The following DLGAP2 variants were observed in gnomAD, a reference collection of about 807,000 sequenced individuals.
The protein encoded by DLGAP2 is disks large-associated protein 2.
A neutral mutation model predicts 100.3 loss-of-function variants in DLGAP2; 26 were observed. The ratio of observed to expected loss-of-function variants is 0.26; its 90% CI spans 0.19 to 0.36. The LOEUF (loss-of-function observed/expected upper bound fraction) is 0.36, where lower values mean the gene tolerates loss of function less well. DLGAP2 is among the 10% of genes least tolerant of loss of function. The pLI is 1.00. For missense variants in DLGAP2, 1,858 were observed against 1,453.2 expected (o/e 1.28, Z -4.53); for synonymous variants, 886 against 630.1 (o/e 1.41, Z -6.08).
At chr8:1,631,495 G>A (rs562553533) in intron 7 of DLGAP2, among the ~76,000 whole-genome samples, 3 of 152,332 alleles carry the variant, frequency 2.0e-5, no homozygotes, top group South Asian at 2.1e-4. Flanking sequence ...TTCCAAGCCA[G>A]TGTGCATGCT....
intron 2 of DLGAP2, among the ~76,000 whole-genome samples, chr8:932,391 A>G (rs1182392955): frequency 6.6e-6 from 1 of 152,256 alleles, no homozygotes; most frequent in South Asian, 2.1e-4. Flanking sequence ...CTCACTAGAG[A>G]TGAGAAAGAC....
At chr8:801,712 C>T (rs1342263206) in intron 1 of DLGAP2, among the ~76,000 whole-genome samples, 1 of 152,122 alleles carries the variant, frequency 6.6e-6, no homozygotes, top group Non-Finnish European at 1.5e-5. Flanking sequence ...TGTGCCTTCC[C>T]ACTCTCCAGC....
chr8:1,107,509 AG>A (rs1804815519), intron 2 of DLGAP2, among the ~76,000 whole-genome samples: 2 of 152,220 alleles, frequency 1.3e-5, no homozygotes, highest in Non-Finnish European at 2.9e-5. Context: ...AGCTCTTCAC[AG>A]GGAGAGCCAG....
chr8:1,625,938 T>A (rs1410794489), intron 6 of DLGAP2, among the ~76,000 whole-genome samples: 1 of 152,210 alleles, frequency 6.6e-6, no homozygotes, highest in Non-Finnish European at 1.5e-5. Flanking sequence ...TGGGTGTGGA[T>A]TGGACGGTCG....
chr8:1,388,727 G>T (rs1170166031), intron 3 of DLGAP2, among the ~76,000 whole-genome samples: 1 of 101,674 alleles, frequency 9.8e-6, no homozygotes. Flanking sequence ...ATGAGGAGGC[G>T]CTGGTTCAGG....
intron 3 of DLGAP2, among the ~76,000 whole-genome samples, chr8:1,413,584 C>A (rs1031227995): frequency 6.6e-6 from 1 of 152,138 alleles, no homozygotes; most frequent in Non-Finnish European, 1.5e-5. Flanking sequence ...GCCTTAAAGT[C>A]CAGAAACATG....
chr8:1,095,027 A>G (rs527649866), intron 2 of DLGAP2, among the ~76,000 whole-genome samples: 1 of 151,852 alleles, frequency 6.6e-6, no homozygotes, highest in East Asian at 2.0e-4. Flanking sequence ...AAGGTGGAGC[A>G]AGACAGCCTG....
rs1330889707 is a variant in DLGAP2 at position 1,485,653 on chromosome 8, G to A, written c.107-15713G>A. ...CCCAGCTCCCACTGTGGGAAGACAGGTGTGGTCTGAAGCGCTGCCCCTACT... is the reference window on the plus strand; with the variant it reads ...CCCAGCTCCCACTGTGGGAAGACAGATGTGGTCTGAAGCGCTGCCCCTACT... On this transcript the variant is annotated intron_variant, in intron 3 of 14. Transcript: ENST00000637795. 2.6e-5 allele frequency among the ~76,000 whole-genome samples: 4 copies of A among 152,358 alleles called. No individual in the cohort carries two copies. The East Asian group carries it at 5.8e-4, about 22-fold the overall frequency.
intron 5 of DLGAP2, among the ~76,000 whole-genome samples, chr8:1,550,997 G>T (rs768446787): frequency 6.6e-6 from 1 of 152,228 alleles, no homozygotes; most frequent in Non-Finnish European, 1.5e-5. Flanking sequence ...ATGGGACAGG[G>T]GGACTAGCAG....
In DLGAP2 at chr8:1,704,255, T is replaced by C. The variant is rs1799646825; in HGVS notation, c.*2849T>C. ...CATTGGAGAACACGGCTGAAAATTATTGTGCTGTTCTAGGAACATCATCCT... is the reference window on the plus strand; with the variant it reads ...CATTGGAGAACACGGCTGAAAATTACTGTGCTGTTCTAGGAACATCATCCT... On this transcript the variant is annotated 3_prime_UTR_variant, in exon 15 of 15. Coordinates refer to ENST00000637795, the MANE Select transcript of DLGAP2 (RefSeq NM_001346810.2). 6.6e-6 allele frequency: 1 copy of C among 152,266 alleles called. No individual in the cohort carries two copies. The highest frequency in any genetic ancestry group is 2.4e-5 in the African/African-American group (1 of 41,448). 9.4% of individuals were successfully genotyped at this position (152,266 alleles called of 1,614,324 possible).
chr8:1,328,642 C>T (rs1801078342), intron 3 of DLGAP2, among the ~76,000 whole-genome samples: 2 of 152,260 alleles, frequency 1.3e-5, no homozygotes, highest in African/African-American at 2.4e-5. Flanking sequence ...GAAGCCACTG[C>T]ACCTGGCCTT....
chr8:1,318,169 A>G (rs1409200284), intron 3 of DLGAP2, among the ~76,000 whole-genome samples: 1 of 151,500 alleles, frequency 6.6e-6, no homozygotes, highest in Non-Finnish European at 1.5e-5. Context: ...GTGTGAGTGC[A>G]GCGTCTCTCC....
At chr8:1,060,695 C>G (rs151271118) in intron 2 of DLGAP2, among the ~76,000 whole-genome samples, 1 of 152,236 alleles carries the variant, frequency 6.6e-6, no homozygotes, top group African/African-American at 2.4e-5. Flanking sequence ...CATCCCGTAA[C>G]TCCTGGTGAT....
intron 2 of DLGAP2, among the ~76,000 whole-genome samples, chr8:1,156,188 C>G (rs1039511838): frequency 1.3e-5 from 2 of 152,188 alleles, no homozygotes; most frequent in African/African-American, 4.8e-5. Flanking sequence ...CTGCAGCTCT[C>G]AGACCCTCCC....
At chr8:1,291,135 G>T (rs955051385) in intron 3 of DLGAP2, among the ~76,000 whole-genome samples, 1 of 152,128 alleles carries the variant, frequency 6.6e-6, no homozygotes, top group Non-Finnish European at 1.5e-5. Flanking sequence ...CTAGGTAACA[G>T]TCATCACGAT....
At chr8:999,214 G>A (rs943828030) in intron 2 of DLGAP2, among the ~76,000 whole-genome samples, 6 of 151,668 alleles carry the variant, frequency 4.0e-5, no homozygotes, top group African/African-American at 9.7e-5. Context: ...TTCTCCTCCC[G>A]TGTCGGTGGA....
chr8:1,267,627 T>TAAAATAAAATAAAATAAAATAAAATAAA (rs61003863), intron 3 of DLGAP2, among the ~76,000 whole-genome samples: 1 of 39,424 alleles, frequency 2.5e-5, no homozygotes, highest in African/African-American at 1.8e-4. Flanking sequence ...ATAAGATAAA[T>TAAAATAAAATAAAATAAAATAAAATAAA]ATTAAATAGG....
At position 1,652,536 on chromosome 8, in the gene DLGAP2, G is replaced by A. The variant is rs138374109; in HGVS notation, c.1811-15793G>A. Among the ~76,000 whole-genome samples the A allele has an allele frequency of 6.6e-5, 10 of 152,292 alleles. No homozygotes were observed. In the East Asian group the frequency reaches 7.7e-4, roughly 12 times the overall value. On this transcript the variant is annotated intron_variant, in intron 8 of 14. Coordinates refer to ENST00000637795, the MANE Select transcript of DLGAP2 (RefSeq NM_001346810.2). Reference sequence around the variant, plus strand: ...CTTGCAACTAACCCTGGTCTTGTGCGTGATATTTCTGAGTTTCCAGGAGAG... The same window carrying A: ...CTTGCAACTAACCCTGGTCTTGTGCATGATATTTCTGAGTTTCCAGGAGAG...
intron 1 of DLGAP2, among the ~76,000 whole-genome samples, chr8:856,445 C>G (rs1028476942): frequency 3.9e-5 from 6 of 152,060 alleles, no homozygotes; most frequent in African/African-American, 1.4e-4. Context: ...ACCTCGGCCT[C>G]CCATAGTGCT....
Sources: gnomAD v4.1 joint callset for allele counts (sites outside exome capture counted in the v4.1 genomes callset) on GRCh38, gnomAD v4.1.1 for gene constraint, MANE v1.5 for transcripts, NCBI Gene and HGNC (gene_info 2026-07-23, HGNC 2026-07-21) for gene names.